The following CROCC variants were observed in gnomAD, a reference collection of about 807,000 sequenced individuals.
CROCC encodes the protein rootletin.
In CROCC, 180 loss-of-function variants were observed where a neutral mutation model predicts 245.2. The ratio of observed to expected loss-of-function variants is 0.73; its 90% confidence interval spans 0.65 to 0.83. The LOEUF is 0.83. Among genes scored for constraint, CROCC ranks in the 40% least tolerant of loss-of-function variants. The probability of loss-of-function intolerance (pLI) is 0.00; values close to 1 mark genes in which losing one functional copy is unlikely to be tolerated. For missense variants in CROCC, 2,688 were observed against 2,779.4 expected, an observed-to-expected ratio of 0.97 and a Z score of 0.74; for synonymous variants, 1,205 against 1,241.6, an observed-to-expected ratio of 0.97 and a Z score of 0.62.
At chr1:16,964,384 CTTCT>C (rs1180413444) in intron 27 of CROCC, among the ~76,000 whole-genome samples, 3 of 146,336 alleles carry the variant, frequency 2.1e-5, no homozygotes, top group South Asian at 2.2e-4. Flanking sequence ...TTTCTTTCCT[CTTCT>C]TTCTTCTTTT....
At chr1:16,922,888 T>C in intron 2 of CROCC, 90 bp downstream of exon 2, 3 of 1,518,598 alleles carry the variant, frequency 2.0e-6, no homozygotes, top group South Asian at 2.5e-5. Flanking sequence ...ATGATGATCA[T>C]GACTGTAACT....
At chr1:16,916,730 C>G (rs2075309167) in intron 1 of CROCC, among the ~76,000 whole-genome samples, 1 of 152,298 alleles carries the variant, frequency 6.6e-6, no homozygotes, top group Non-Finnish European at 1.5e-5. Context: ...CAGGGCTGGT[C>G]TCAAACGCCT....
chr1:16,969,998 G>A (rs1570723078), intron 33 of CROCC, 64 bp downstream of exon 33: 12 of 1,509,464 alleles, frequency 7.9e-6, no homozygotes, highest in African/African-American at 2.8e-5. Context: ...GGGTGGGGAC[G>A]TTCCCACCCA....
chr1:16,948,846 A>C lies in CROCC; in HGVS notation c.2756A>C (p.Gln919Pro), dbSNP rs2076110161. ...LEGSLFEVQR[Q>P]LAQLEARREQ... is the part of the protein sequence containing the mutation. Reference sequence around the variant, plus strand: ...GGCAGCCTGTTTGAGGTGCAACGGCAGCTGGCCCAGCTTGAGGCCCGCCGG... The same window carrying C: ...GGCAGCCTGTTTGAGGTGCAACGGCCGCTGGCCCAGCTTGAGGCCCGCCGG... Residue 919 changes from glutamine to proline, a missense_variant, in exon 19 of 37, where the codon CAG becomes CCG. By Grantham distance (76) the Gln-to-Pro change is moderately conservative. Around this residue, in one of 9 missense-constraint regions of CROCC, gnomAD observed 26 missense variants for 40.3 expected, o/e 0.64. Coordinates refer to ENST00000375541, the MANE Select transcript of CROCC (RefSeq NM_014675.5). 2 of 1,611,388 alleles carry C rather than the reference A, an allele frequency of 1.2e-6. No homozygotes were observed. Among genetic ancestry groups the C allele is most frequent in the Non-Finnish European group, 1.7e-6 (2 of 1,179,884 alleles).
rs779127496 is a variant in CROCC, at chr1:16,922,779, C to T, written c.177C>T (p.Leu59=). 1.2e-6 allele frequency: 2 copies of T among 1,613,376 alleles called. No homozygotes were observed. Among genetic ancestry groups the T allele is most frequent in the Non-Finnish European group, 1.7e-6 (2 of 1,179,860 alleles). The change falls in exon 2 of 37, where the codon CTC becomes CTT. Residue 59 remains leucine, a synonymous_variant. Coordinates refer to ENST00000375541, the MANE Select transcript of CROCC (RefSeq NM_014675.5). ...ALIREIVTRN[L]SQPESPVLLP... ...TCAGGGAGATTGTCACCCGCAACCTCTCCCAGCCTGAGAGCCCAGGTGCCA... is the reference window on the plus strand; with the variant it reads ...TCAGGGAGATTGTCACCCGCAACCTTTCCCAGCCTGAGAGCCCAGGTGCCA...
Position 16,951,009 on chromosome 1 carries a change from G to C in CROCC, c.2893G>C (p.Asp965His). The change falls in exon 20 of 37, where the codon GAC becomes CAC. Residue 965 changes from aspartate to histidine, a missense_variant. Physicochemically the swap from Asp to His is moderately conservative, Grantham distance 81. Coordinates refer to ENST00000375541, the MANE Select transcript of CROCC (RefSeq NM_014675.5). ...AGCTACACAGGAGAAAGCCAGTCTA[G>C]ACAAGGAGCTGATGGCCCAGAAGCT... ...IIATQEKASL[D>H]KELMAQKLVQ... 1 of 1,606,324 alleles carries C rather than the reference G, an allele frequency of 6.2e-7. No homozygotes were observed. The highest frequency in any genetic ancestry group is 1.1e-5 in the South Asian group (1 of 89,806).
chr1:16,964,104 T>A (rs1327503134), intron 27 of CROCC, among the ~76,000 whole-genome samples: 1 of 134,856 alleles, frequency 7.4e-6, no homozygotes, highest in Non-Finnish European at 1.7e-5. Flanking sequence ...CCGGGCCCAC[T>A]TTTTTCTTTT....
At chr1:16,952,307 A>G (rs962349232) in intron 20 of CROCC, among the ~76,000 whole-genome samples, 1 of 151,402 alleles carries the variant, frequency 6.6e-6, no homozygotes, top group Non-Finnish European at 1.5e-5. Flanking sequence ...ACACAGTGAA[A>G]CCCCATCTCT....
Position 16,970,328 on chromosome 1 carries a change from C to T in CROCC, c.5527C>T (p.Leu1843=), listed in dbSNP as rs561149461. ...VQKLQDERRL[L]QERLGSLQRA... ...GAAGCTGCAAGACGAGCGGCGGCTG[C>T]TGCAGGAGCGCCTGGGAAGCCTGCA... Residue 1843 remains leucine (L), a synonymous_variant, in exon 34 of 37, where the codon CTG becomes TTG. Coordinates refer to ENST00000375541, the MANE Select transcript of CROCC (RefSeq NM_014675.5). 81 of 1,586,950 alleles carry T rather than the reference C, an allele frequency of 5.1e-5. No individual in the cohort carries two copies. The Admixed American group carries it at 5.2e-4, about 10-fold the overall frequency.
At chr1:16,936,954 G>C in intron 9 of CROCC, 81 bp downstream of exon 9, 2 of 1,393,712 alleles carry the variant, frequency 1.4e-6, no homozygotes, top group Non-Finnish European at 2.0e-6. Context: ...GGGAGCATCT[G>C]TTCACTAGGG....
intron 10 of CROCC, 131 bp downstream of exon 10, chr1:16,937,868 A>G: frequency 1.3e-6 from 1 of 783,564 alleles, no homozygotes; most frequent in Middle Eastern, 3.6e-4. Context: ...CAGCCCTCAC[A>G]GGTGTGCAGG....
At chr1:16,964,738 C>T (rs2100541997) in intron 27 of CROCC, among the ~76,000 whole-genome samples, 1 of 152,208 alleles carries the variant, frequency 6.6e-6, no homozygotes. Flanking sequence ...GGCTGGAGTG[C>T]AGCGGTTCGA....
intron 20 of CROCC, chr1:16,951,399 T>C: frequency 3.6e-6 from 1 of 274,556 alleles, no homozygotes; most frequent in Non-Finnish European, 6.8e-6. Context: ...GGAAAGCACT[T>C]TCATTTGCTA....
chr1:16,958,820 G>A (rs2076287079), intron 26 of CROCC, 70 bp downstream of exon 26: 17 of 1,500,532 alleles, frequency 1.1e-5, no homozygotes, highest in African/African-American at 1.4e-5. Flanking sequence ...GCACCCCAAT[G>A]CTGGGGCCAT....
At chr1:16,941,913 G>A (rs1441685777) in intron 13 of CROCC, among the ~76,000 whole-genome samples, 4 of 152,232 alleles carry the variant, frequency 2.6e-5, no homozygotes, top group Non-Finnish European at 4.4e-5. Context: ...TGTTGCCCAG[G>A]ATGGTCTCAA....
rs1046901133 is a variant in CROCC at position 16,954,668 on chromosome 1, G to A, written c.3322-66G>A. The A allele has an allele frequency of 2.3e-5, 34 of 1,486,166 alleles. No individual in the cohort carries two copies. The highest frequency in any genetic ancestry group is 9.8e-5 in the African/African-American group (7 of 71,150). The allele number at this position is 1,486,166 out of a possible 1,614,324, so 92.1% of individuals were successfully genotyped here. Reference sequence around the variant, plus strand: ...GCTAAAAGTGGACAGTGCACTGAGCGGGTTGGGAGCAGCCCGGGGCTGGGG... The same window carrying A: ...GCTAAAAGTGGACAGTGCACTGAGCAGGTTGGGAGCAGCCCGGGGCTGGGG... On this transcript the variant is annotated intron_variant, in intron 22 of 36. Coordinates refer to ENST00000375541, the MANE Select transcript of CROCC (RefSeq NM_014675.5). This position sits in a 1 kb window ranked among gnomAD's most constrained non-coding sequence, Gnocchi z 4.4.
intron 23 of CROCC, 49 bp from the exon 24 acceptor site, chr1:16,955,263 A>G (rs1470506064): frequency 2.6e-6 from 4 of 1,522,926 alleles, no homozygotes; most frequent in Non-Finnish European, 3.6e-6. Context: ...ACCCAGCTTG[A>G]CGGGGGGGTC....
chr1:16,925,359 G>A (rs1415993168), intron 3 of CROCC, among the ~76,000 whole-genome samples: 4 of 152,266 alleles, frequency 2.6e-5, no homozygotes, highest in Non-Finnish European at 5.9e-5. Flanking sequence ...ATGTAACAGA[G>A]GAGAAAACAG....
intron 14 of CROCC, among the ~76,000 whole-genome samples, chr1:16,945,049 G>A (rs1431752330): frequency 2.4e-4 from 37 of 152,274 alleles, no homozygotes; most frequent in African/African-American, 5.3e-4. Flanking sequence ...CCTGACCAAC[G>A]TGGAGAAATC....
Sources: gnomAD v4.1 joint callset for allele counts (sites outside exome capture counted in the v4.1 genomes callset) on GRCh38, gnomAD v4.1.1 for gene constraint, gnomAD v4.1.1 regional missense constraint, Gnocchi (gnomAD v3.1) non-coding constraint, MANE v1.5 for transcripts, NCBI Gene and HGNC (gene_info 2026-07-23, HGNC 2026-07-21) for gene names.